The following BCKDHB variants were observed in gnomAD, a reference collection of about 807,000 sequenced individuals.
BCKDHB encodes the protein branched chain keto acid dehydrogenase E1 subunit beta.
In BCKDHB, 41 loss-of-function variants were observed where a neutral mutation model predicts 48.5. That is an observed-to-expected ratio of 0.85 (90% CI 0.66 to 1.10). BCKDHB has a LOEUF of 1.10. BCKDHB is among the 50% of genes least tolerant of loss of function. The pLI is 0.00. For synonymous variants in BCKDHB, 201 were observed against 174.8 expected (o/e 1.15, Z -1.18); for missense variants, 496 against 494.2 (o/e 1.00, Z -0.03).
chr6:80,155,135 T>A (rs148102297), intron 3 of BCKDHB, among the ~76,000 whole-genome samples: 1 of 152,170 alleles, frequency 6.6e-6, no homozygotes, highest in African/African-American at 2.4e-5. Flanking sequence ...TTTTTATTCC[T>A]GTTTTCTTAA....
chr6:80,239,536 C>T (rs966043075), intron 8 of BCKDHB, among the ~76,000 whole-genome samples: 1 of 152,056 alleles, frequency 6.6e-6, no homozygotes, highest in African/African-American at 2.4e-5. Context: ...CAAAATTTTT[C>T]TCCCATTCTG....
intron 8 of BCKDHB, among the ~76,000 whole-genome samples, chr6:80,270,353 T>G (rs1319376941): frequency 1.3e-5 from 2 of 152,126 alleles, no homozygotes; most frequent in Admixed American, 6.6e-5. Flanking sequence ...CTTTCCAAAT[T>G]AAGTGAAGTA....
At chr6:80,203,498 C>T (rs1460048675) in intron 8 of BCKDHB, among the ~76,000 whole-genome samples, 1 of 151,990 alleles carries the variant, frequency 6.6e-6, no homozygotes. Flanking sequence ...AGTCATAGAG[C>T]ATATCAAGGA....
chr6:80,403,337 ATT>A, the BCKDHB span, among the ~76,000 whole-genome samples: 1 of 151,730 alleles, frequency 6.6e-6, no homozygotes, highest in Admixed American at 6.6e-5. Context: ...ATACCTAAGT[ATT>A]TTTATACCAT....
At chr6:80,426,760 T>C in the BCKDHB span, among the ~76,000 whole-genome samples, 1 of 152,156 alleles carries the variant, frequency 6.6e-6, no homozygotes, top group African/African-American at 2.4e-5. Context: ...ATTTTGTAAA[T>C]GCTAAGTGTT....
At chr6:80,113,907 GA>G (rs1302107014) in intron 1 of BCKDHB, among the ~76,000 whole-genome samples, 3 of 152,306 alleles carry the variant, frequency 2.0e-5, no homozygotes, top group Non-Finnish European at 4.4e-5. Context: ...ATTGGTCATA[GA>G]AAGCAACCAT....
At chr6:80,281,066 A>G (rs1778175777) in intron 9 of BCKDHB, among the ~76,000 whole-genome samples, 1 of 151,778 alleles carries the variant, frequency 6.6e-6, no homozygotes, top group African/African-American at 2.4e-5. Context: ...TAATGAGTAC[A>G]TTTTAGATTT....
chr6:80,377,085 G>A, the BCKDHB span, among the ~76,000 whole-genome samples: 1 of 148,672 alleles, frequency 6.7e-6, no homozygotes, highest in African/African-American at 2.5e-5. Context: ...GTCATGCCCA[G>A]GCTAGAGTTT....
At chr6:80,201,071 G>T in intron 7 of BCKDHB, 40 bp downstream of exon 7, 3 of 1,476,166 alleles carry the variant, frequency 2.0e-6, no homozygotes, top group Non-Finnish European at 2.8e-6. Context: ...CCTACGTTGT[G>T]CTTGGAAGCT....
At chr6:80,309,375 A>C (rs1338502666) in intron 9 of BCKDHB, among the ~76,000 whole-genome samples, 1 of 152,228 alleles carries the variant, frequency 6.6e-6, no homozygotes, top group East Asian at 1.9e-4. Context: ...AAAAGTATAG[A>C]TTATCAACAA....
chr6:80,137,864 GCT>G (rs1770968495), intron 3 of BCKDHB, among the ~76,000 whole-genome samples: 1 of 151,908 alleles, frequency 6.6e-6, no homozygotes, highest in Non-Finnish European at 1.5e-5. Context: ...TGGGAGGATT[GCT>G]TGAGGCCAAG....
In BCKDHB at chr6:80,110,424, A is replaced by T. The variant is rs375614328; in HGVS notation, c.196+3535A>T. Among the ~76,000 whole-genome samples the T allele has an allele frequency of 6.6e-5, 10 of 152,336 alleles. No individual in the cohort carries two copies. In the East Asian group the frequency reaches 1.5e-3, roughly 23 times the overall value. ...TTTTTCATCCAGGATTTGGCTATAC[A>T]CAAGGAGGTCATCCATATACTGGAG... On this transcript the variant is annotated intron_variant, in intron 1 of 9. Transcript: ENST00000320393.
the BCKDHB span, among the ~76,000 whole-genome samples, chr6:80,391,114 C>A: frequency 1.3e-5 from 2 of 151,950 alleles, no homozygotes; most frequent in East Asian, 1.9e-4. Flanking sequence ...AGCTTACAGG[C>A]AGCATTCCTC....
chr6:80,380,440 A>G, the BCKDHB span, among the ~76,000 whole-genome samples: 1 of 152,002 alleles, frequency 6.6e-6, no homozygotes, highest in Non-Finnish European at 1.5e-5. Flanking sequence ...TTAACTCAAG[A>G]TGGATTGAAG....
chr6:80,411,061 G>A, the BCKDHB span, among the ~76,000 whole-genome samples: 1 of 152,132 alleles, frequency 6.6e-6, no homozygotes, highest in Non-Finnish European at 1.5e-5. Context: ...TTCTCCTATG[G>A]TTTCTTCCCA....
chr6:80,174,689 T>G (rs576843496), intron 6 of BCKDHB, among the ~76,000 whole-genome samples: 19 of 152,182 alleles, frequency 1.2e-4, no homozygotes, highest in Non-Finnish European at 2.6e-4. Context: ...GCTTTTTCCC[T>G]AAAGTTATCT....
intron 8 of BCKDHB, among the ~76,000 whole-genome samples, chr6:80,249,444 A>G (rs1008177192): frequency 3.9e-5 from 6 of 152,178 alleles, no homozygotes; most frequent in Non-Finnish European, 7.3e-5. Context: ...CATTTGCTGC[A>G]CATAAAAGTA....
chr6:80,375,608 C>T, the BCKDHB span, among the ~76,000 whole-genome samples: 1 of 151,630 alleles, frequency 6.6e-6, no homozygotes, highest in African/African-American at 2.4e-5. Context: ...TCTGGTGCCT[C>T]CTTGATTAGC....
chr6:80,440,775 C>T, the BCKDHB span: 4 of 152,082 alleles, frequency 2.6e-5, no homozygotes, highest in East Asian at 1.9e-4. Context: ...AACTGCCTGC[C>T]GAAGGACCTG....
Sources: allele counts gnomAD v4.1 joint callset (sites outside exome capture counted in the v4.1 genomes callset), GRCh38; gene constraint gnomAD v4.1.1; transcripts MANE v1.5; gene names NCBI Gene and HGNC (gene_info 2026-07-23, HGNC 2026-07-21).